PRDM5: variants seen among roughly 807,000 people sequenced by gnomAD.
PRDM5 encodes the protein PR domain zinc finger protein 5.
In PRDM5, 56 loss-of-function variants were observed where a neutral mutation model predicts 81.2. The ratio of observed to expected loss-of-function variants is 0.69; its 90% CI spans 0.56 to 0.86. PRDM5 has a LOEUF of 0.86. Ranked by LOEUF, PRDM5 falls within the 40% of genes least tolerant of loss-of-function variation. The pLI is 0.00. For missense variants in PRDM5, 697 were observed against 770.1 expected, an observed-to-expected ratio of 0.91 and a Z score of 1.12; for synonymous variants, 267 against 256.4, an observed-to-expected ratio of 1.04 and a Z score of -0.39.
chr4:120,720,906 C>T (rs1286271278), intron 14 of PRDM5, among the ~76,000 whole-genome samples: 2 of 152,116 alleles, frequency 1.3e-5, no homozygotes, highest in African/African-American at 2.4e-5. Context: ...ATGAATTGCA[C>T]AAGCAACACA....
chr4:120,821,892 T>G (rs1228270743), intron 3 of PRDM5, among the ~76,000 whole-genome samples: 1 of 151,646 alleles, frequency 6.6e-6, no homozygotes, highest in African/African-American at 2.4e-5. Context: ...AGCCATCATG[T>G]GTACCTCACC....
intron 13 of PRDM5, among the ~76,000 whole-genome samples, chr4:120,755,792 C>T (rs970376777): frequency 6.6e-6 from 1 of 152,114 alleles, no homozygotes; most frequent in African/African-American, 2.4e-5. Context: ...CACTGTTCTC[C>T]CCAACTTTGT....
chr4:120,742,149 G>T (rs1371565617), intron 14 of PRDM5, among the ~76,000 whole-genome samples: 1 of 152,226 alleles, frequency 6.6e-6, no homozygotes, highest in Non-Finnish European at 1.5e-5. Context: ...TAACTGGGAG[G>T]CACCCTCCAG....
intron 11 of PRDM5, 42 bp from the exon 12 acceptor site, chr4:120,781,345 C>A (rs1220709486): frequency 1.3e-6 from 2 of 1,577,566 alleles, no homozygotes; most frequent in African/African-American, 1.4e-5. Context: ...ATAGCAGGGT[C>A]CTATTAATTT....
intron 14 of PRDM5, among the ~76,000 whole-genome samples, chr4:120,736,415 C>T (rs1026986328): frequency 6.6e-6 from 1 of 152,014 alleles, no homozygotes; most frequent in Non-Finnish European, 1.5e-5. Flanking sequence ...CAGAACTAAT[C>T]GATGATTGAT....
At chr4:120,901,118 A>G (rs1222181434) in intron 2 of PRDM5, among the ~76,000 whole-genome samples, 3 of 152,212 alleles carry the variant, frequency 2.0e-5, no homozygotes, top group South Asian at 2.1e-4. Context: ...TGGGGGTACA[A>G]GTGGTTTTTG....
intron 13 of PRDM5, among the ~76,000 whole-genome samples, chr4:120,757,620 G>A (rs1011247887): frequency 1.3e-5 from 2 of 152,146 alleles, no homozygotes; most frequent in African/African-American, 2.4e-5. Flanking sequence ...CCCAATGTGG[G>A]CAGGCATCAT....
intron 2 of PRDM5, among the ~76,000 whole-genome samples, chr4:120,854,040 G>T (rs1759593478): frequency 6.6e-6 from 1 of 152,132 alleles, no homozygotes; most frequent in Non-Finnish European, 1.5e-5. Flanking sequence ...GACATCCAAT[G>T]AAACAAAATG....
chr4:120,857,403 G>A (rs1023525696), intron 2 of PRDM5, among the ~76,000 whole-genome samples: 9 of 152,086 alleles, frequency 5.9e-5, no homozygotes, highest in African/African-American at 2.2e-4. Context: ...ATACCTTCTT[G>A]TGAAAATGAA....
chr4:120,789,083 A>G lies in PRDM5; in HGVS notation c.1189-3992T>C, dbSNP rs572307235. 2.0e-5 allele frequency among the ~76,000 whole-genome samples: 3 copies of G among 152,296 alleles called. No individual in the cohort carries two copies. In the South Asian group the frequency reaches 6.2e-4, roughly 32 times the overall value. ...TCAAATGATCCTTAATAACCCTATG[A>G]TGTTCTGTAGAACATCCCATTTGTA... On this transcript the variant is annotated intron_variant, in intron 10 of 15. Transcript: ENST00000264808.
intron 14 of PRDM5, 147 bp from the exon 15 acceptor site, chr4:120,710,560 AT>A: frequency 1.4e-6 from 1 of 720,726 alleles, no homozygotes; most frequent in Non-Finnish European, 2.5e-6. Flanking sequence ...CCCCACCCAA[AT>A]TTCATCTTGA....
chr4:120,762,893 G>A (rs1745839228), intron 13 of PRDM5: 1 of 152,080 alleles, frequency 6.6e-6, no homozygotes, highest in Non-Finnish European at 1.5e-5. Context: ...ACAAAAACCT[G>A]AACTTGACAT....
chr4:120,790,586 C>T (rs1212987457), intron 10 of PRDM5, among the ~76,000 whole-genome samples: 1 of 151,934 alleles, frequency 6.6e-6, no homozygotes, highest in Non-Finnish European at 1.5e-5. Flanking sequence ...GTAAAGATTC[C>T]TAAAGTTCAA....
intron 14 of PRDM5, among the ~76,000 whole-genome samples, chr4:120,744,816 GA>G (rs923544124): frequency 6.7e-5 from 10 of 148,702 alleles, no homozygotes; most frequent in Admixed American, 6.7e-4. Context: ...AAGAGTCCAG[GA>G]CCAGATGGAT....
chr4:120,901,495 A>C (rs528383555), intron 2 of PRDM5, among the ~76,000 whole-genome samples: 2 of 152,340 alleles, frequency 1.3e-5, no homozygotes, highest in African/African-American at 4.8e-5. Flanking sequence ...CCATTAAGTC[A>C]GGCTGCTGCA....
intron 2 of PRDM5, among the ~76,000 whole-genome samples, chr4:120,855,019 A>C (rs2148475596): frequency 6.6e-6 from 1 of 152,326 alleles, no homozygotes; most frequent in Non-Finnish European, 1.5e-5. Context: ...GGCAGACACC[A>C]GATCATGCGG....
downstream of PRDM5, among the ~76,000 whole-genome samples, chr4:120,684,384 T>C (rs1049987623): frequency 1.1e-4 from 16 of 152,036 alleles, no homozygotes; most frequent in African/African-American, 2.9e-4. Flanking sequence ...ACCAGTTCCA[T>C]GAACATACCT....
At chr4:120,744,138 G>A (rs1037513537) in intron 14 of PRDM5, among the ~76,000 whole-genome samples, 14 of 152,090 alleles carry the variant, frequency 9.2e-5, no homozygotes, top group African/African-American at 2.7e-4. Flanking sequence ...ACTCAAAACC[G>A]CTCAACTACA....
intron 2 of PRDM5, among the ~76,000 whole-genome samples, chr4:120,854,429 A>G (rs1240109619): frequency 1.3e-5 from 2 of 152,190 alleles, no homozygotes; most frequent in Non-Finnish European, 2.9e-5. Flanking sequence ...CTCCAACACC[A>G]AGTAACACGA....
Sources: allele counts gnomAD v4.1 joint callset (sites outside exome capture counted in the v4.1 genomes callset), GRCh38; gene constraint gnomAD v4.1.1; transcripts MANE v1.5; gene names NCBI Gene and HGNC (gene_info 2026-07-23, HGNC 2026-07-21).